The following BCKDHB variants were observed in gnomAD, a reference collection of about 807,000 sequenced individuals.
BCKDHB encodes the protein 2-oxoisovalerate dehydrogenase subunit beta, mitochondrial.
A neutral mutation model predicts 48.5 loss-of-function variants in BCKDHB; 41 were observed. The ratio of observed to expected loss-of-function variants is 0.85; its 90% confidence interval spans 0.66 to 1.10. The LOEUF is 1.10. BCKDHB is among the 50% of genes least tolerant of loss of function. The probability of loss-of-function intolerance (pLI) is 0.00; values close to 1 mark genes in which losing one functional copy is unlikely to be tolerated. For synonymous variants in BCKDHB, 201 were observed against 174.8 expected (o/e 1.15, Z -1.18); for missense variants, 496 against 494.2 (o/e 1.00, Z -0.03).
chr6:80,427,489 G>T, the BCKDHB span, among the ~76,000 whole-genome samples: 4 of 151,930 alleles, frequency 2.6e-5, no homozygotes, highest in African/African-American at 9.7e-5. Flanking sequence ...TAAAGAAATT[G>T]GCAAATGAGA....
At chr6:80,406,095 G>C in the BCKDHB span, among the ~76,000 whole-genome samples, 3 of 151,896 alleles carry the variant, frequency 2.0e-5, no homozygotes, top group South Asian at 4.2e-4. Flanking sequence ...CTATCCTCTT[G>C]TTAGTTTGCT....
At chr6:80,215,726 T>C (rs910277082) in intron 8 of BCKDHB, among the ~76,000 whole-genome samples, 3 of 152,188 alleles carry the variant, frequency 2.0e-5, no homozygotes, top group African/African-American at 7.2e-5. Context: ...CTATGGGTTC[T>C]GACCTAATGT....
At chr6:80,407,170 G>A in the BCKDHB span, among the ~76,000 whole-genome samples, 1 of 152,064 alleles carries the variant, frequency 6.6e-6, no homozygotes, top group Non-Finnish European at 1.5e-5. Context: ...GGATATAGAT[G>A]TGTGGTGTTA....
At chr6:80,411,479 A>G in the BCKDHB span, among the ~76,000 whole-genome samples, 2 of 152,122 alleles carry the variant, frequency 1.3e-5, no homozygotes, top group East Asian at 3.9e-4. Flanking sequence ...TGCTGGGAGA[A>G]CCACTACTCT....
chr6:80,236,261 A>G (rs932790217), intron 8 of BCKDHB, among the ~76,000 whole-genome samples: 1 of 152,324 alleles, frequency 6.6e-6, no homozygotes, highest in Non-Finnish European at 1.5e-5. Flanking sequence ...GATTACATGC[A>G]TATTCCCAGC....
chr6:80,141,858 G>A (rs749807019), intron 3 of BCKDHB, among the ~76,000 whole-genome samples: 12 of 151,954 alleles, frequency 7.9e-5, no homozygotes, highest in African/African-American at 2.4e-4. Flanking sequence ...ACACATCCAC[G>A]TAATATGAAA....
intron 9 of BCKDHB, among the ~76,000 whole-genome samples, chr6:80,326,234 A>C (rs1260472703): frequency 6.6e-6 from 1 of 152,198 alleles, no homozygotes; most frequent in Non-Finnish European, 1.5e-5. Flanking sequence ...TACATTTTTC[A>C]GGAAAGAGTC....
At chr6:80,335,451 T>C (rs1009042609) in intron 9 of BCKDHB, among the ~76,000 whole-genome samples, 1 of 152,034 alleles carries the variant, frequency 6.6e-6, no homozygotes, top group African/African-American at 2.4e-5. Context: ...CCGTCAGTGC[T>C]TTCTTCTATA....
intron 8 of BCKDHB, among the ~76,000 whole-genome samples, chr6:80,214,020 T>G (rs1775060022): frequency 1.3e-5 from 2 of 152,124 alleles, no homozygotes; most frequent in African/African-American, 4.8e-5. Context: ...CCTCCCATCC[T>G]TTCACCCCAA....
At chr6:80,415,595 C>A in the BCKDHB span, among the ~76,000 whole-genome samples, 43 of 152,172 alleles carry the variant, frequency 2.8e-4, no homozygotes, top group African/African-American at 9.6e-4. Context: ...GTATGTTGAA[C>A]CAAACTTGCA....
At chr6:80,415,380 G>T in the BCKDHB span, among the ~76,000 whole-genome samples, 2 of 152,072 alleles carry the variant, frequency 1.3e-5, no homozygotes, top group East Asian at 3.9e-4. Context: ...TCCAGATTTT[G>T]CCCATTGAGT....
intron 8 of BCKDHB, among the ~76,000 whole-genome samples, chr6:80,220,827 T>C (rs1427581138): frequency 6.6e-6 from 1 of 151,168 alleles, no homozygotes; most frequent in African/African-American, 2.4e-5. Flanking sequence ...CTCCACCTCT[T>C]GGGTTCAAGC....
chr6:80,231,181 T>G (rs1220820791), intron 8 of BCKDHB, among the ~76,000 whole-genome samples: 1 of 152,192 alleles, frequency 6.6e-6, no homozygotes. Flanking sequence ...TTTATGTAAA[T>G]TCTACTTAAT....
chr6:80,259,089 A>G (rs1263632470), intron 8 of BCKDHB, among the ~76,000 whole-genome samples: 1 of 151,920 alleles, frequency 6.6e-6, no homozygotes, highest in East Asian at 1.9e-4. Flanking sequence ...GATATACTTA[A>G]TATTAATCTC....
chr6:80,148,239 C>T lies in BCKDHB; in HGVS notation c.343+19010C>T, dbSNP rs137910087. On this transcript the variant is annotated intron_variant, in intron 3 of 9. Coordinates refer to ENST00000320393, the MANE Select transcript of BCKDHB (RefSeq NM_183050.4). ...GTCTTCATGATACTTTCTGGCTTTC[C>T]ACTCACCTTTTGCTTAAAAGTGGTC... Among the ~76,000 whole-genome samples, 244 of 152,272 alleles carry T rather than the reference C, an allele frequency of 1.6e-3. 1 individual carries two copies. The highest frequency in any genetic ancestry group is 5.7e-3 in the African/African-American group (235 of 41,568).
At chr6:80,404,857 T>G in the BCKDHB span, among the ~76,000 whole-genome samples, 1 of 152,244 alleles carries the variant, frequency 6.6e-6, no homozygotes, top group East Asian at 1.9e-4. Flanking sequence ...TTTTCCAGTT[T>G]GTCTCCTGTT....
intron 8 of BCKDHB, among the ~76,000 whole-genome samples, chr6:80,221,588 C>G: frequency 6.6e-6 from 1 of 151,778 alleles, no homozygotes; most frequent in African/African-American, 2.4e-5. Context: ...TAAGTAAAAC[C>G]TATTTTCATC....
At chr6:80,456,145 G>T in the BCKDHB span, among the ~76,000 whole-genome samples, 2 of 151,816 alleles carry the variant, frequency 1.3e-5, no homozygotes, top group Non-Finnish European at 2.9e-5. Flanking sequence ...AACCCTGGAG[G>T]CGGAGGTTGC....
At chr6:80,216,505 T>C (rs1351437034) in intron 8 of BCKDHB, among the ~76,000 whole-genome samples, 1 of 152,204 alleles carries the variant, frequency 6.6e-6, no homozygotes, top group Non-Finnish European at 1.5e-5. Context: ...TATATAATTA[T>C]ATTGTTCCAT....
Sources: allele counts gnomAD v4.1 joint callset (sites outside exome capture counted in the v4.1 genomes callset), GRCh38; gene constraint gnomAD v4.1.1; transcripts MANE v1.5; gene names NCBI Gene and HGNC (gene_info 2026-07-23, HGNC 2026-07-21).